The following JAKMIP3 variants were observed in gnomAD, a reference collection of about 807,000 sequenced individuals.
JAKMIP3 encodes Janus kinase and microtubule interacting protein 3.
A neutral mutation model predicts 118.5 loss-of-function variants in JAKMIP3; 58 were observed. That is an observed-to-expected ratio of 0.49 (90% CI 0.40 to 0.61). The LOEUF (loss-of-function observed/expected upper bound fraction) is 0.61, where lower values mean the gene tolerates loss of function less well. JAKMIP3 is among the 20% of genes least tolerant of loss of function. JAKMIP3 has a pLI of 0.00. For missense variants in JAKMIP3, 950 were observed against 1,109.0 expected, an observed-to-expected ratio of 0.86 and a Z score of 2.04; for synonymous variants, 486 against 451.2, an observed-to-expected ratio of 1.08 and a Z score of -0.98.
chr10:132,135,848 G>C, intron 5 of JAKMIP3, 82 bp from the exon 6 acceptor site: 1 of 1,443,548 alleles, frequency 6.9e-7, no homozygotes, highest in Admixed American at 2.2e-5. Context: ...AGCCCAAGCT[G>C]TGGTCAGTCA....
chr10:132,130,890 T>TG lies in JAKMIP3; in HGVS notation c.634-2416dup, dbSNP rs551955921. Among the ~76,000 whole-genome samples, 256 of 151,788 alleles carry TG rather than the reference T, an allele frequency of 1.7e-3. 1 individual carries two copies. Among genetic ancestry groups the TG allele is most frequent in the Non-Finnish European group, 6.5e-4 (44 of 67,932 alleles). ...CCCTAGAGGTTCTACATGCTCATCT[T>TG]GGGGGGCTCAGGGTTCTGCCTATGG... On this transcript the variant is annotated intron_variant, in intron 3 of 23. Coordinates refer to ENST00000684848, the MANE Select transcript of JAKMIP3 (RefSeq NM_001323087.2).
At chr10:132,172,593 C>T (rs2059605465) in intron 23 of JAKMIP3, among the ~76,000 whole-genome samples, 1 of 151,964 alleles carries the variant, frequency 6.6e-6, no homozygotes, top group Non-Finnish European at 1.5e-5. Context: ...TTATGTATCG[C>T]ACTGTATGCT....
Position 132,044,148 on chromosome 10 carries a change from TG to T in JAKMIP3, c.-138+7417del, listed in dbSNP as rs1254579707. ...CCCCTGGGACCAGCCCGATGCCTGG[TG>T]GGGGGGCTTCTCTGGGCCCTCAGCT... On this transcript the variant is annotated intron_variant, in intron 1 of 23. Transcript: ENST00000657785. The surrounding 1 kb of genome is among the most constrained non-coding windows in gnomAD (Gnocchi z 5.3). Among the ~76,000 whole-genome samples the T allele has an allele frequency of 1.3e-5, 2 of 152,066 alleles. No individual in the cohort carries two copies. Among genetic ancestry groups the T allele is most frequent in the African/African-American group, 2.4e-5 (1 of 41,412 alleles).
At chr10:132,116,236 G>T (rs1455813740) in intron 2 of JAKMIP3, among the ~76,000 whole-genome samples, 5 of 152,228 alleles carry the variant, frequency 3.3e-5, no homozygotes, top group African/African-American at 1.2e-4. Context: ...AGATTCCGGT[G>T]GGTGACCTCA....
intron 1 of JAKMIP3, among the ~76,000 whole-genome samples, chr10:132,072,897 C>G (rs2040191932): frequency 6.6e-6 from 1 of 152,174 alleles, no homozygotes; most frequent in African/African-American, 2.4e-5. Flanking sequence ...TTTTTCAACC[C>G]TCACCCCTCC....
At chr10:132,050,332 C>T (rs1033249740) in intron 1 of JAKMIP3, among the ~76,000 whole-genome samples, 2 of 152,216 alleles carry the variant, frequency 1.3e-5, no homozygotes, top group Non-Finnish European at 2.9e-5. Flanking sequence ...GCCCAGGCAC[C>T]TCTCTGGCTC....
intron 1 of JAKMIP3, among the ~76,000 whole-genome samples, chr10:132,095,169 TG>T (rs1346049116): frequency 6.6e-6 from 1 of 152,124 alleles, no homozygotes; most frequent in Admixed American, 6.5e-5. Flanking sequence ...GCTGTGAAAA[TG>T]GGGCTTTCAT....
At chr10:132,125,059 T>A (rs2049253857) in intron 3 of JAKMIP3, among the ~76,000 whole-genome samples, 1 of 152,272 alleles carries the variant, frequency 6.6e-6, no homozygotes, top group Non-Finnish European at 1.5e-5. Context: ...ATGCTGGCTT[T>A]AGATGAAAGA....
At chr10:132,097,547 G>A (rs2044050968) in intron 1 of JAKMIP3, among the ~76,000 whole-genome samples, 1 of 152,080 alleles carries the variant, frequency 6.6e-6, no homozygotes, top group African/African-American at 2.4e-5. Context: ...TTACAGAGGG[G>A]GCAGGGTAGG....
chr10:132,117,058 T>A lies in JAKMIP3; in HGVS notation c.136-19T>A, dbSNP rs753501332. 1.3e-4 allele frequency: 204 copies of A among 1,590,564 alleles called. No homozygotes were observed. The highest frequency in any genetic ancestry group is 1.7e-4 in the Non-Finnish European group (196 of 1,164,972). Reference sequence around the variant, plus strand: ...TGGCTGGAGCTCCTGCCACACTCAGTCTCGCTGTTGTCTTTCAGGTCAGCA... The same window carrying A: ...TGGCTGGAGCTCCTGCCACACTCAGACTCGCTGTTGTCTTTCAGGTCAGCA... On this transcript the variant is annotated intron_variant, in intron 2 of 23. Coordinates refer to ENST00000684848, the MANE Select transcript of JAKMIP3 (RefSeq NM_001323087.2). This position sits in a 1 kb window ranked among gnomAD's most constrained non-coding sequence, Gnocchi z 8.6.
intron 2 of JAKMIP3, among the ~76,000 whole-genome samples, chr10:132,115,865 A>C (rs1236518743): frequency 5.3e-5 from 8 of 152,230 alleles, no homozygotes; most frequent in Admixed American, 5.2e-4. Flanking sequence ...TCCAGCTCCC[A>C]CTGGAGCCGT....
chr10:132,141,604 C>T (rs1564952825), intron 10 of JAKMIP3, among the ~76,000 whole-genome samples: 2 of 152,256 alleles, frequency 1.3e-5, no homozygotes, highest in Admixed American at 6.5e-5. Context: ...AAGCAGGAGC[C>T]CCAGCTGAGC....
At chr10:132,114,475 C>T (rs2047333687) in intron 2 of JAKMIP3, among the ~76,000 whole-genome samples, 1 of 152,220 alleles carries the variant, frequency 6.6e-6, no homozygotes, top group African/African-American at 2.4e-5. Context: ...CTGCCTCTGC[C>T]TCCCACAGTG....
chr10:132,152,458 G>A (rs1416775381), intron 16 of JAKMIP3, among the ~76,000 whole-genome samples: 2 of 152,164 alleles, frequency 1.3e-5, no homozygotes, highest in African/African-American at 4.8e-5. Flanking sequence ...GGTTGGGGAG[G>A]AAGCATGAAT....
At chr10:132,059,409 G>C (rs2038332077) in intron 1 of JAKMIP3, among the ~76,000 whole-genome samples, 1 of 152,254 alleles carries the variant, frequency 6.6e-6, no homozygotes. Context: ...AGATTGACTT[G>C]TTCAAGTCAG....
At chr10:132,105,808 G>C (rs1478004757) in intron 2 of JAKMIP3, among the ~76,000 whole-genome samples, 1 of 144,408 alleles carries the variant, frequency 6.9e-6, no homozygotes, top group Non-Finnish European at 1.5e-5. Flanking sequence ...CCTGGGTCAC[G>C]CGTGGATGGT....
At position 132,179,523 on chromosome 10, in the gene JAKMIP3, C is replaced by T. The variant is rs375074831; in HGVS notation, c.*1104-2834C>T. ...GATACACTCACATAAACATTTGCCA[C>T]GTGAATGGCCAAGTACGTAAAAGAA... is the stretch of plus-strand genomic sequence containing the variant. On this transcript the variant is annotated intron_variant, in intron 23 of 23. Coordinates refer to ENST00000684848, the MANE Select transcript of JAKMIP3 (RefSeq NM_001323087.2). The surrounding 1 kb of genome is among the most constrained non-coding windows in gnomAD (Gnocchi z 4.3). Among the ~76,000 whole-genome samples the T allele has an allele frequency of 1.3e-5, 2 of 152,268 alleles. No individual in the cohort carries two copies. Among genetic ancestry groups the T allele is most frequent in the South Asian group, 2.1e-4 (1 of 4,826 alleles).
rs954522841 is a variant in JAKMIP3 at position 132,140,355 on chromosome 10, T to C, written c.1345-96T>C. 20 of 1,517,464 alleles carry C rather than the reference T, an allele frequency of 1.3e-5. No individual in the cohort carries two copies. The Admixed American group carries it at 3.3e-4, about 25-fold the overall frequency. 94.0% of individuals were successfully genotyped at this position (1,517,464 alleles called of 1,614,324 possible). A position where few individuals can be genotyped will look rare whatever the true frequency, so the allele number is the denominator to read the frequency against. On this transcript the variant is annotated intron_variant, in intron 9 of 23. Coordinates refer to ENST00000684848, the MANE Select transcript of JAKMIP3 (RefSeq NM_001323087.2). ...ATGGGAGTGTGTCGCAGGGTGGGGC[T>C]GCGGCCCCCACCGTTGGGCAGCGGG...
intron 16 of JAKMIP3, 56 bp from the exon 17 acceptor site, chr10:132,152,902 C>T: frequency 7.1e-7 from 1 of 1,404,144 alleles, no homozygotes; most frequent in Non-Finnish European, 9.9e-7. Context: ...CATCACTCAC[C>T]CTCACCCCCA....
Sources: gnomAD v4.1 joint callset for allele counts (sites outside exome capture counted in the v4.1 genomes callset) on GRCh38, gnomAD v4.1.1 for gene constraint, Gnocchi (gnomAD v3.1) non-coding constraint, MANE v1.5 for transcripts, NCBI Gene and HGNC (gene_info 2026-07-23, HGNC 2026-07-21) for gene names.